Variants in UHRF1 observed in about 807,000 individuals in gnomAD.
UHRF1 encodes ubiquitin like with PHD and ring finger domains 1, also known as E3 ubiquitin-protein ligase UHRF1.
UHRF1 carries 9 observed loss-of-function variants against 96.5 expected under a neutral mutation model. The observed-to-expected ratio is 0.09, with a 90% CI of 0.06 to 0.16. The LOEUF is 0.16. Among genes scored for constraint, UHRF1 ranks in the 10% least tolerant of loss-of-function variants. The pLI is 1.00. For synonymous variants in UHRF1, 455 were observed against 469.9 expected (o/e 0.97, Z 0.41); for missense variants, 626 against 1,131.1 (o/e 0.55, Z 6.40).
At chr19:4,925,083 TC>T (rs2032825730) in intron 2 of UHRF1, among the ~76,000 whole-genome samples, 2 of 152,116 alleles carry the variant, frequency 1.3e-5, no homozygotes, top group Non-Finnish European at 2.9e-5. Flanking sequence ...TGCCTTGGCC[TC>T]CCAGAGTGTT....
chr19:4,904,575 C>T (rs1171051997), upstream of UHRF1, among the ~76,000 whole-genome samples: 1 of 152,202 alleles, frequency 6.6e-6, no homozygotes. Context: ...ACTTGGCCTC[C>T]CAAAGTGCTG....
At chr19:4,907,653 G>A (rs1266201858), upstream of UHRF1, among the ~76,000 whole-genome samples, 2 of 148,580 alleles carry the variant, frequency 1.3e-5, no homozygotes, top group East Asian at 4.0e-4. Flanking sequence ...AGTCTTTCTT[G>A]CTTTTTCTAG....
rs2033698575 is a variant in UHRF1, at chr19:4,950,841, G to T, written c.1681-18G>T. ...GGCTGCCTCTGATGGAGCTGACGCT[G>T]ATGCCCGCTCTCTGCAGGTTGTGAA... On this transcript the variant is annotated intron_variant, in intron 12 of 16. Coordinates refer to ENST00000650932, the MANE Select transcript of UHRF1 (RefSeq NM_001048201.3). The T allele has an allele frequency of 6.2e-7, 1 of 1,613,906 alleles. No individual in the cohort carries two copies. The highest frequency in any genetic ancestry group is 1.7e-5 in the Admixed American group (1 of 59,990).
chr19:4,926,024 A>T (rs1207893884), intron 2 of UHRF1, among the ~76,000 whole-genome samples: 1 of 151,810 alleles, frequency 6.6e-6, no homozygotes, highest in Admixed American at 6.6e-5. Flanking sequence ...CAGCCTCCCG[A>T]GTAGCTGGGA....
At position 4,945,984 on chromosome 19, in the gene UHRF1, G is replaced by A. The variant is rs778313022; in HGVS notation, c.1410+19G>A. 9.8e-6 allele frequency: 12 copies of A among 1,227,554 alleles called. No homozygotes were observed. In the South Asian group the frequency reaches 1.5e-4, roughly 16 times the overall value. The allele number at this position is 1,227,554 out of a possible 1,614,324, so 76.0% of individuals were successfully genotyped here. ...TGATGTGGTGAGTGTGTGTGTGGGAGGGGTGGGGGAGGGTTGCTCTAGTTT... is the reference window on the plus strand; with the variant it reads ...TGATGTGGTGAGTGTGTGTGTGGGAAGGGTGGGGGAGGGTTGCTCTAGTTT... On this transcript the variant is annotated intron_variant, in intron 10 of 16. Transcript: ENST00000650932.
At chr19:4,957,303 T>G (rs1034506508) in intron 16 of UHRF1, among the ~76,000 whole-genome samples, 1 of 132,878 alleles carries the variant, frequency 7.5e-6, no homozygotes, top group African/African-American at 2.9e-5. Context: ...GATGGTTTTT[T>G]TTTTTTTTTT....
intron 2 of UHRF1, among the ~76,000 whole-genome samples, chr19:4,920,540 C>T (rs867948268): frequency 6.6e-6 from 1 of 152,180 alleles, no homozygotes; most frequent in Non-Finnish European, 1.5e-5. Flanking sequence ...CCACTTACCT[C>T]TACCTGACTG....
intron 5 of UHRF1, among the ~76,000 whole-genome samples, chr19:4,936,527 G>A (rs960711541): frequency 6.6e-6 from 1 of 152,170 alleles, no homozygotes; most frequent in South Asian, 2.1e-4. Flanking sequence ...ACCAGCCTTT[G>A]CCAGGGCTGA....
At chr19:4,919,921 G>T (rs1483509143) in intron 2 of UHRF1, among the ~76,000 whole-genome samples, 2 of 151,148 alleles carry the variant, frequency 1.3e-5, no homozygotes, top group Non-Finnish European at 3.0e-5. Flanking sequence ...GGGTTCAAGC[G>T]ATTCTCCTGC....
chr19:4,920,070 G>A (rs983984020), intron 2 of UHRF1, among the ~76,000 whole-genome samples: 2 of 152,138 alleles, frequency 1.3e-5, no homozygotes, highest in Non-Finnish European at 2.9e-5. Context: ...GTCCGCCTTG[G>A]CCTCCCAAGG....
intron 10 of UHRF1, 51 bp from the exon 11 acceptor site, chr19:4,947,054 T>C (rs1167392113): frequency 8.6e-6 from 12 of 1,395,204 alleles, no homozygotes; most frequent in Non-Finnish European, 8.9e-6. Context: ...CAGTCTCTTT[T>C]TTTTTTTTTG....
intron 9 of UHRF1, 38 bp downstream of exon 9, chr19:4,944,488 G>A (rs1374460655): frequency 6.2e-7 from 1 of 1,607,874 alleles, no homozygotes; most frequent in African/African-American, 1.3e-5. Context: ...GGCCACGCGG[G>A]CTCATCCTGC....
rs188659101 is a variant in UHRF1 at position 4,957,339 on chromosome 19, C to T, written c.2235+526C>T. On this transcript the variant is annotated intron_variant, in intron 16 of 16. Transcript: ENST00000650932. Reference sequence around the variant, plus strand: ...TTTTTTTTTTTCTGAGACAGAGTCTCGCTCTGTTGCCCATGCTGGAGTGCA... The same window carrying T: ...TTTTTTTTTTTCTGAGACAGAGTCTTGCTCTGTTGCCCATGCTGGAGTGCA... Among the ~76,000 whole-genome samples the T allele has an allele frequency of 3.4e-4, 46 of 133,668 alleles. 1 individual carries two copies. The East Asian group carries it at 8.8e-3, about 26-fold the overall frequency. The allele number at this position is 133,668 out of a possible 152,430, so 87.7% of individuals were successfully genotyped here.
At chr19:4,923,072 C>G (rs2032753054) in intron 2 of UHRF1, among the ~76,000 whole-genome samples, 1 of 152,114 alleles carries the variant, frequency 6.6e-6, no homozygotes, top group Admixed American at 6.5e-5. Flanking sequence ...ATTAGCCTGG[C>G]CAGGGCCCCT....
At chr19:4,943,240 A>G (rs1001714474) in intron 7 of UHRF1, among the ~76,000 whole-genome samples, 8 of 152,030 alleles carry the variant, frequency 5.3e-5, no homozygotes, top group African/African-American at 1.9e-4. Flanking sequence ...CTAAGTCTCA[A>G]AAACAAAAAA....
chr19:4,931,755 C>A (rs901601783), intron 4 of UHRF1, among the ~76,000 whole-genome samples: 2 of 151,986 alleles, frequency 1.3e-5, no homozygotes, highest in African/African-American at 4.8e-5. Context: ...GTGTGAGCCA[C>A]TGTGCCCAGC....
intron 11 of UHRF1, among the ~76,000 whole-genome samples, chr19:4,949,608 T>A (rs1228766515): frequency 6.6e-6 from 1 of 151,904 alleles, no homozygotes; most frequent in East Asian, 1.9e-4. Flanking sequence ...GTGGGAGGAT[T>A]GCTTGAGGCT....
chr19:4,923,918 G>A (rs532458241), intron 2 of UHRF1, among the ~76,000 whole-genome samples: 1 of 152,294 alleles, frequency 6.6e-6, no homozygotes, highest in Non-Finnish European at 1.5e-5. Context: ...TCTGAGCGCC[G>A]TGTGGCTTGT....
chr19:4,938,668 C>G (rs547666066), intron 5 of UHRF1, among the ~76,000 whole-genome samples: 1 of 145,354 alleles, frequency 6.9e-6, no homozygotes, highest in Non-Finnish European at 1.5e-5. Flanking sequence ...CTCGGCCTCT[C>G]AAAGTGCTGG....
Sources: allele counts gnomAD v4.1 joint callset (sites outside exome capture counted in the v4.1 genomes callset), GRCh38; gene constraint gnomAD v4.1.1; transcripts MANE v1.5; gene names NCBI Gene and HGNC (gene_info 2026-07-23, HGNC 2026-07-21).